Variants in LCK observed in about 807,000 individuals in gnomAD.
LCK encodes tyrosine-protein kinase Lck.
In LCK, 14 loss-of-function variants were observed where a neutral mutation model predicts 64.6. The ratio of observed to expected loss-of-function variants is 0.22; its 90% CI spans 0.14 to 0.34. The LOEUF (loss-of-function observed/expected upper bound fraction) is 0.34, where lower values mean the gene tolerates loss of function less well. Among genes scored for constraint, LCK ranks in the 10% least tolerant of loss-of-function variants. LCK has a pLI of 1.00. For synonymous variants in LCK, 277 were observed against 263.6 expected (o/e 1.05, Z -0.49); for missense variants, 434 against 668.1 (o/e 0.65, Z 3.86).
At chr1:32,253,679 G>T (rs1480437310) in intron 1 of LCK, among the ~76,000 whole-genome samples, 1 of 152,188 alleles carries the variant, frequency 6.6e-6, no homozygotes, top group Non-Finnish European at 1.5e-5. Flanking sequence ...TGCCCACTCA[G>T]CACCTTGGTG....
At position 32,276,625 on chromosome 1, in the gene LCK, C is replaced by G; in HGVS notation, c.803C>G (p.Thr268Arg). 6.2e-7 allele frequency: 1 copy of G among 1,612,260 alleles called. No homozygotes were observed. Among genetic ancestry groups the G allele is most frequent in the Non-Finnish European group, 8.5e-7 (1 of 1,179,006 alleles). The change falls in exon 9 of 13, where the codon ACG (threonine) becomes AGG (arginine). Residue 268 changes from threonine to arginine, a missense_variant. Transcript: ENST00000336890. The surrounding 1 kb of genome is among the most constrained non-coding windows in gnomAD (Gnocchi z 4.6). ...EVWMGYYNGH[T>R]KVAVKSLKQG... is the part of the protein sequence containing the mutation. Reference sequence around the variant, plus strand: ...GACCCAGGGTACTACAACGGGCACACGAAGGTGGCGGTGAAGAGCCTGAAG... The same window carrying G: ...GACCCAGGGTACTACAACGGGCACAGGAAGGTGGCGGTGAAGAGCCTGAAG...
chr1:32,285,910 C>T lies in LCK; in HGVS notation c.*194C>T. ...GCGTGGACTCTGCACATGTCTTGTACATGTGTAGCCTGTGCATGTATGTCT... is the reference window on the plus strand; with the variant it reads ...GCGTGGACTCTGCACATGTCTTGTATATGTGTAGCCTGTGCATGTATGTCT... On this transcript the variant is annotated 3_prime_UTR_variant, in exon 13 of 13. Coordinates refer to ENST00000336890, the MANE Select transcript of LCK (RefSeq NM_005356.5). 1 of 617,640 alleles carries T rather than the reference C, an allele frequency of 1.6e-6. No homozygotes were observed. The highest frequency in any genetic ancestry group is 2.9e-6 in the Non-Finnish European group (1 of 349,468). 38.3% of individuals were successfully genotyped at this position (617,640 alleles called of 1,614,324 possible).
intron 1 of LCK, among the ~76,000 whole-genome samples, chr1:32,268,211 A>G (rs983879745): frequency 3.3e-5 from 5 of 152,142 alleles, no homozygotes; most frequent in African/African-American, 1.2e-4. Flanking sequence ...ATAAAAAAGA[A>G]AAAAGTAATG....
At chr1:32,271,302 C>T (rs1640073644) in intron 1 of LCK, among the ~76,000 whole-genome samples, 1 of 152,152 alleles carries the variant, frequency 6.6e-6, no homozygotes, top group African/African-American at 2.4e-5. Flanking sequence ...CACGCCCGGC[C>T]AGCAACTCCA....
intron 1 of LCK, among the ~76,000 whole-genome samples, chr1:32,257,397 G>C (rs1639657115): frequency 1.3e-5 from 2 of 151,980 alleles, no homozygotes; most frequent in Non-Finnish European, 2.9e-5. Context: ...CCACAAGCAT[G>C]GGACACAAAG....
chr1:32,270,488 G>A (rs376545754), intron 1 of LCK, among the ~76,000 whole-genome samples: 1 of 151,422 alleles, frequency 6.6e-6, no homozygotes, highest in South Asian at 2.1e-4. Context: ...TCTGCCTCCC[G>A]GGTTCAAGTG....
At chr1:32,255,796 A>AT (rs1363275909) in intron 1 of LCK, among the ~76,000 whole-genome samples, 4,279 of 142,238 alleles carry the variant, frequency 0.03, 266 homozygotes, top group African/African-American at 0.11. Context: ...TACCCATTAA[A>AT]TTTATTTTTT....
At chr1:32,261,600 C>G (rs1394950111) in intron 1 of LCK, among the ~76,000 whole-genome samples, 2 of 144,090 alleles carry the variant, frequency 1.4e-5, no homozygotes, top group Non-Finnish European at 3.0e-5. Flanking sequence ...GAGCCGAGAT[C>G]GTGCCACTGC....
In LCK at chr1:32,276,593, C is replaced by T; in HGVS notation, c.785-14C>T. 1.3e-6 allele frequency: 2 copies of T among 1,597,138 alleles called. No individual in the cohort carries two copies. The highest frequency in any genetic ancestry group is 8.6e-7 in the Non-Finnish European group (1 of 1,168,920). On this transcript the variant is annotated splice_polypyrimidine_tract_variant and intron_variant, in intron 8 of 12. Coordinates refer to ENST00000336890, the MANE Select transcript of LCK (RefSeq NM_005356.5). The surrounding 1 kb of genome is among the most constrained non-coding windows in gnomAD (Gnocchi z 4.6). ...GCCTGGCGACTTTCCCACTCCTTCC[C>T]TTCCCCGACCCAGGGTACTACAACG...
chr1:32,270,250 CTTTTTT>C (rs1195979098), intron 1 of LCK, among the ~76,000 whole-genome samples: 41 of 126,662 alleles, frequency 3.2e-4, no homozygotes, highest in African/African-American at 9.8e-4. Flanking sequence ...GCCCAGCTAA[CTTTTTT>C]TTTTTTTTTT....
chr1:32,261,988 C>T (rs1474458963), intron 1 of LCK, among the ~76,000 whole-genome samples: 1 of 148,074 alleles, frequency 6.8e-6, no homozygotes, highest in African/African-American at 2.5e-5. Context: ...GATTCTCCTG[C>T]CTCAGCCTCC....
intron 1 of LCK, 30 bp from the exon 2 acceptor site, chr1:32,274,295 C>T: frequency 6.2e-7 from 1 of 1,613,714 alleles, no homozygotes; most frequent in Middle Eastern, 1.7e-4. Context: ...CTTGGGGGAG[C>T]CCCTTCAGCC....
At position 32,279,710 on chromosome 1, in the gene LCK, A is replaced by G. The variant is rs1277977631; in HGVS notation, c.1004A>G (p.Lys335Arg). 1 of 1,613,592 alleles carries G rather than the reference A, an allele frequency of 6.2e-7. No individual in the cohort carries two copies. Among genetic ancestry groups the G allele is most frequent in the South Asian group, 1.1e-5 (1 of 91,068 alleles). ...VDFLKTPSGI[K>R]LTINKLLDMA... The stretch of plus-strand genomic sequence containing the variant: ...TTTCTCAAGACCCCTTCAGGCATCA[A>G]GTTGACCATCAACAAACTCCTGGAC... Residue 335 changes from lysine (K) to arginine (R), a missense_variant, in exon 10 of 13, where the codon AAG becomes AGG. Coordinates refer to ENST00000336890, the MANE Select transcript of LCK (RefSeq NM_005356.5).
chr1:32,276,686 G>A lies in LCK; in HGVS notation c.864G>A (p.Glu288=). 1 of 1,614,110 alleles carries A rather than the reference G, an allele frequency of 6.2e-7. No individual in the cohort carries two copies. The highest frequency in any genetic ancestry group is 8.5e-7 in the Non-Finnish European group (1 of 1,180,016). The change falls in exon 9 of 13, where the codon GAG becomes GAA. Residue 288 remains glutamate, a synonymous_variant. Coordinates refer to ENST00000336890, the MANE Select transcript of LCK (RefSeq NM_005356.5). This position sits in a 1 kb window ranked among gnomAD's most constrained non-coding sequence, Gnocchi z 4.6. The part of the protein sequence containing the change: ...GSMSPDAFLA[E]ANLMKQLQHQ... ...TGTCCCCGGACGCCTTCCTGGCCGA[G>A]GCCAACCTCATGAAGCAGCTGCAAC...
intron 1 of LCK, among the ~76,000 whole-genome samples, chr1:32,259,471 T>G (rs1300576853): frequency 6.6e-6 from 1 of 151,592 alleles, no homozygotes; most frequent in African/African-American, 2.4e-5. Context: ...AATACAAACA[T>G]TAGCCAGGTG....
At chr1:32,264,487 T>G (rs1639861453) in intron 1 of LCK, among the ~76,000 whole-genome samples, 1 of 151,246 alleles carries the variant, frequency 6.6e-6, no homozygotes, top group Non-Finnish European at 1.5e-5. Flanking sequence ...TGAGACCTCG[T>G]CTAAAAAAAA....
intron 1 of LCK, among the ~76,000 whole-genome samples, chr1:32,262,447 G>A (rs1402289900): frequency 6.7e-6 from 1 of 149,100 alleles, no homozygotes; most frequent in Non-Finnish European, 1.5e-5. Context: ...TTTTTTGATG[G>A]AGTCTAGTTC....
chr1:32,275,725 A>T lies in LCK; in HGVS notation c.481+53A>T. The T allele has an allele frequency of 4.9e-6, 7 of 1,440,240 alleles. No individual in the cohort carries two copies. Among genetic ancestry groups the T allele is most frequent in the East Asian group, 2.5e-5 (1 of 40,014 alleles). 89.2% of individuals were successfully genotyped at this position (1,440,240 alleles called of 1,614,324 possible). Reference sequence around the variant, plus strand: ...GCGGGGGTGCCCCGGGGTGTGCCCGAGGGGGGGCGCAGGGTGAGCCCGAGG... The same window carrying T: ...GCGGGGGTGCCCCGGGGTGTGCCCGTGGGGGGGCGCAGGGTGAGCCCGAGG... On this transcript the variant is annotated intron_variant, in intron 6 of 12. Transcript: ENST00000336890. This position sits in a 1 kb window ranked among gnomAD's most constrained non-coding sequence, Gnocchi z 6.9.
chr1:32,283,270 CAG>C (rs1640514770), intron 12 of LCK, among the ~76,000 whole-genome samples: 1 of 125,806 alleles, frequency 7.9e-6, no homozygotes, highest in Non-Finnish European at 1.6e-5. Flanking sequence ...GCCTGGGCAA[CAG>C]AGCGAGACTC....
Sources: allele counts gnomAD v4.1 joint callset (sites outside exome capture counted in the v4.1 genomes callset), GRCh38; gene constraint gnomAD v4.1.1; non-coding constraint Gnocchi (gnomAD v3.1); transcripts MANE v1.5; gene names NCBI Gene and HGNC (gene_info 2026-07-23, HGNC 2026-07-21).